Variants in STIL observed in about 807,000 individuals in gnomAD.
STIL encodes SCL-interrupting locus protein.
STIL carries 55 observed loss-of-function variants against 110.1 expected under a neutral mutation model. The ratio of observed to expected loss-of-function variants is 0.50; its 90% CI spans 0.40 to 0.63. STIL has a LOEUF of 0.63. STIL is among the 20% of genes least tolerant of loss of function. The probability of loss-of-function intolerance (pLI) is 0.00; values close to 1 mark genes in which losing one functional copy is unlikely to be tolerated. For missense variants in STIL, 1,358 were observed against 1,530.0 expected (o/e 0.89, Z 1.87); for synonymous variants, 481 against 530.0 (o/e 0.91, Z 1.27).
chr1:47,295,685 T>G, intron 7 of STIL, 80 bp downstream of exon 7: 6 of 966,334 alleles, frequency 6.2e-6, no homozygotes, highest in African/African-American at 1.6e-5. Context: ...TAAATATTTA[T>G]AGTACAACTG....
chr1:47,294,484 A>G (rs1645584873), intron 7 of STIL, among the ~76,000 whole-genome samples: 1 of 152,260 alleles, frequency 6.6e-6, no homozygotes. Flanking sequence ...CAGGAGTTCC[A>G]GACCAGCCTG....
At position 47,281,321 on chromosome 1, in the gene STIL, G is replaced by A. The variant is rs11211505; in HGVS notation, c.1249-112C>T. ...TATATCTAATTACATATTAACAAGT[G>A]TTCATTCTTTATTTAGACCATCAGT... On this transcript the variant is annotated intron_variant, in intron 11 of 16. Transcript: ENST00000371877. The A allele has an allele frequency of 0.28, 316,261 of 1,109,862 alleles. 48,140 individuals are homozygous for A. The highest frequency in any genetic ancestry group is 0.31 in the Non-Finnish European group (251,993 of 800,076). 68.8% of individuals were successfully genotyped at this position (1,109,862 alleles called of 1,614,324 possible).
Position 47,260,416 on chromosome 1 carries a change from G to A in STIL, c.2953C>T (p.His985Tyr), listed in dbSNP as rs760787202. 1.9e-6 allele frequency: 3 copies of A among 1,614,036 alleles called. No individual in the cohort carries two copies. Among genetic ancestry groups the A allele is most frequent in the Non-Finnish European group, 2.5e-6 (3 of 1,180,032 alleles). Residue 985 changes from histidine to tyrosine, a missense_variant, in exon 16 of 17, where the codon CAT (histidine) becomes TAT (tyrosine). His to Tyr is a moderately conservative substitution (Grantham distance 83). Coordinates refer to ENST00000371877, the MANE Select transcript of STIL (RefSeq NM_001048166.1). The part of the protein sequence containing the change: ...QNVYHTKKKT[H>Y]HSRLVDKDCV... ...TCTTTGTCCACCAGTCTTGAATGAT[G>A]TGTTTTTTTCTTTGTATGGTAAACG...
Position 47,312,331 on chromosome 1 carries a change from A to C in STIL, c.-44+1705T>G, listed in dbSNP as rs185575801. 5.2e-3 allele frequency among the ~76,000 whole-genome samples: 793 copies of C among 152,252 alleles called. 2 individuals are homozygous for C. Among genetic ancestry groups the C allele is most frequent in the East Asian group, 0.03 (157 of 5,182 alleles). On this transcript the variant is annotated intron_variant, in intron 1 of 16. Transcript: ENST00000371877. ...CGATGAAACCCCGTCTCTACTAAAA[A>C]TACAAAAAATTAGTGGGGTGTGGTG... is the stretch of plus-strand genomic sequence containing the variant.
chr1:47,259,949 T>C (rs1216628157), intron 16 of STIL, among the ~76,000 whole-genome samples: 1 of 152,202 alleles, frequency 6.6e-6, no homozygotes, highest in Admixed American at 6.5e-5. Context: ...CCAGAAAGAC[T>C]TTTCAGATGC....
intron 14 of STIL, among the ~76,000 whole-genome samples, chr1:47,265,477 T>G (rs558385872): frequency 5.3e-5 from 8 of 151,604 alleles, no homozygotes; most frequent in Non-Finnish European, 1.0e-4. Flanking sequence ...TTTTTTTTAA[T>G]TACTTTTTTT....
intron 7 of STIL, among the ~76,000 whole-genome samples, chr1:47,294,890 C>T: frequency 6.6e-6 from 1 of 152,138 alleles, no homozygotes. Context: ...GGGCTCTAAG[C>T]CTTCACCTTC....
chr1:47,258,054 A>G (rs774202154), intron 16 of STIL, among the ~76,000 whole-genome samples: 8 of 152,242 alleles, frequency 5.3e-5, no homozygotes, highest in Non-Finnish European at 1.2e-4. Flanking sequence ...TTCTATTCTA[A>G]GGAAATAATC....
chr1:47,300,557 C>T (rs1167307082), intron 5 of STIL, among the ~76,000 whole-genome samples: 10 of 151,954 alleles, frequency 6.6e-5, no homozygotes, highest in Admixed American at 6.6e-4. Context: ...CAAACTCCAC[C>T]TCCCGGTTCA....
chr1:47,311,831 G>C (rs1223752213), intron 1 of STIL, among the ~76,000 whole-genome samples: 1 of 151,534 alleles, frequency 6.6e-6, no homozygotes, highest in Admixed American at 6.6e-5. Context: ...TGGATCACCT[G>C]AGGTGAGGAG....
intron 12 of STIL, among the ~76,000 whole-genome samples, chr1:47,277,781 T>C (rs1292599338): frequency 6.6e-6 from 1 of 152,090 alleles, no homozygotes; most frequent in Non-Finnish European, 1.5e-5. Flanking sequence ...TACACCTTTA[T>C]CTAGTAACTC....
intron 16 of STIL, among the ~76,000 whole-genome samples, chr1:47,253,574 T>C (rs1644246759): frequency 6.6e-6 from 1 of 152,200 alleles, no homozygotes; most frequent in Non-Finnish European, 1.5e-5. Flanking sequence ...AGCTAAATAG[T>C]ACATAGCAAG....
intron 11 of STIL, among the ~76,000 whole-genome samples, chr1:47,282,112 G>A (rs1288396172): frequency 6.6e-6 from 1 of 151,762 alleles, no homozygotes; most frequent in South Asian, 2.1e-4. Flanking sequence ...AACCATACAT[G>A]CTTATTACAT....
At chr1:47,274,381 G>T (rs1468204189) in intron 12 of STIL, among the ~76,000 whole-genome samples, 1 of 149,148 alleles carries the variant, frequency 6.7e-6, no homozygotes, top group South Asian at 2.2e-4. Flanking sequence ...GCCCAGGCTG[G>T]AGTGCAGTGG....
At chr1:47,253,597 A>T (rs1351812014) in intron 16 of STIL, among the ~76,000 whole-genome samples, 1 of 152,202 alleles carries the variant, frequency 6.6e-6, no homozygotes, top group Non-Finnish European at 1.5e-5. Flanking sequence ...GAGATAATCC[A>T]TGACTGCCTT....
At chr1:47,264,187 C>T (rs1030282107) in intron 14 of STIL, among the ~76,000 whole-genome samples, 1 of 152,240 alleles carries the variant, frequency 6.6e-6, no homozygotes, top group East Asian at 1.9e-4. Flanking sequence ...TAGCTCCTTT[C>T]ACCACGTGAG....
chr1:47,267,667 TA>T (rs10713698), intron 14 of STIL, among the ~76,000 whole-genome samples: 83,794 of 110,512 alleles, frequency 0.76, 31,853 homozygotes, highest in Middle Eastern at 0.86. Flanking sequence ...AGCGAGTATC[TA>T]AAAAAAAAAA....
At position 47,312,193 on chromosome 1, in the gene STIL, C is replaced by G. The variant is rs151158374; in HGVS notation, c.-43-1831G>C. On this transcript the variant is annotated intron_variant, in intron 1 of 16. Transcript: ENST00000371877. ...GTTCAAGACAGAGAAAAACGTGCTT[C>G]TAATAAAATTGACTAGGCCGGACAC... 6.2e-3 allele frequency among the ~76,000 whole-genome samples: 944 copies of G among 151,916 alleles called. 11 individuals are homozygous for G. The highest frequency in any genetic ancestry group is 0.021 in the African/African-American group (873 of 41,456).
chr1:47,301,882 T>C, intron 4 of STIL, 134 bp from the exon 5 acceptor site: 2 of 815,104 alleles, frequency 2.5e-6, no homozygotes, highest in East Asian at 2.6e-5. Flanking sequence ...TAAACTAAAC[T>C]CTTACAGTAA....
Sources: allele counts gnomAD v4.1 joint callset (sites outside exome capture counted in the v4.1 genomes callset), GRCh38; gene constraint gnomAD v4.1.1; transcripts MANE v1.5; gene names NCBI Gene and HGNC (gene_info 2026-07-23, HGNC 2026-07-21).